The following FHIP1A variants were observed in gnomAD, a reference collection of about 807,000 sequenced individuals.
FHIP1A encodes the protein FHF complex subunit HOOK-interacting protein 1A.
In FHIP1A, 61 loss-of-function variants were observed where a neutral mutation model predicts 88.6. That is an observed-to-expected ratio of 0.69 (90% CI 0.56 to 0.85). The LOEUF (loss-of-function observed/expected upper bound fraction) is 0.85. FHIP1A is among the 40% of genes least tolerant of loss of function. The pLI is 0.00. For missense variants in FHIP1A, 1,154 were observed against 1,273.5 expected (o/e 0.91, Z 1.43); for synonymous variants, 478 against 496.0 (o/e 0.96, Z 0.48).
chr4:151,545,369 CTTTTTTTTTTTTTTTT>C (rs569126288), intron 3 of FHIP1A, among the ~76,000 whole-genome samples: 1 of 81,652 alleles, frequency 1.2e-5, no homozygotes, highest in Non-Finnish European at 2.3e-5. Flanking sequence ...CCTTATCCTT[CTTTTTTTTTTTTTTTT>C]TTTTTTTTTT....
intron 2 of FHIP1A, among the ~76,000 whole-genome samples, chr4:151,466,164 A>G (rs1174806483): frequency 5.3e-5 from 8 of 152,328 alleles, no homozygotes; most frequent in Admixed American, 2.0e-4. Flanking sequence ...TGCAAAAATC[A>G]CAAGCATTTG....
At chr4:151,465,139 G>C (rs1337330262) in intron 2 of FHIP1A, among the ~76,000 whole-genome samples, 1 of 152,166 alleles carries the variant, frequency 6.6e-6, no homozygotes, top group Non-Finnish European at 1.5e-5. Flanking sequence ...TGGCTGCAAT[G>C]AGCTGTGATC....
chr4:151,585,288 T>C (rs1339765562), intron 5 of FHIP1A, among the ~76,000 whole-genome samples: 1 of 152,060 alleles, frequency 6.6e-6, no homozygotes, highest in Non-Finnish European at 1.5e-5. Context: ...AGGGATTCTC[T>C]TTTGCCTCAG....
chr4:151,410,333 G>C (rs1236394964), intron 1 of FHIP1A, among the ~76,000 whole-genome samples: 2 of 152,074 alleles, frequency 1.3e-5, no homozygotes, highest in Non-Finnish European at 2.9e-5. Flanking sequence ...GAGAAGGAGA[G>C]ACAGCTTTCA....
At chr4:151,573,611 A>G (rs1190967518) in intron 4 of FHIP1A, among the ~76,000 whole-genome samples, 1 of 152,052 alleles carries the variant, frequency 6.6e-6, no homozygotes, top group East Asian at 1.9e-4. Flanking sequence ...GACTGTCTAG[A>G]TAGCTGAGAA....
chr4:151,533,439 CAAAA>C (rs35650311), intron 3 of FHIP1A, among the ~76,000 whole-genome samples: 2 of 146,154 alleles, frequency 1.4e-5, no homozygotes, highest in South Asian at 2.2e-4. Context: ...AACAAACAAA[CAAAA>C]AAAGGATATA....
chr4:151,457,243 G>A (rs549018253), intron 2 of FHIP1A, among the ~76,000 whole-genome samples: 100 of 152,166 alleles, frequency 6.6e-4, no homozygotes, highest in Non-Finnish European at 1.1e-3. Context: ...ACCTGTGTGG[G>A]CTAAGTAAGA....
intron 3 of FHIP1A, among the ~76,000 whole-genome samples, chr4:151,504,562 T>TTTATGTTATG (rs59935750): frequency 0.04 from 5,831 of 145,160 alleles, 271 homozygotes; most frequent in African/African-American, 0.11. Flanking sequence ...GGGAAAAAAT[T>TTTATGTTATG]TTATGTTATG....
chr4:151,470,036 T>A (rs1262438423), intron 2 of FHIP1A, among the ~76,000 whole-genome samples: 1 of 152,224 alleles, frequency 6.6e-6, no homozygotes, highest in Non-Finnish European at 1.5e-5. Context: ...TGCTAAGAGC[T>A]TCTCATAAAT....
At chr4:151,609,433 G>A (rs1735210970) in intron 7 of FHIP1A, among the ~76,000 whole-genome samples, 1 of 152,084 alleles carries the variant, frequency 6.6e-6, no homozygotes, top group Non-Finnish European at 1.5e-5. Flanking sequence ...TCATCCACAT[G>A]TAGAAAAACC....
chr4:151,558,853 A>C (rs1281349214), intron 3 of FHIP1A, among the ~76,000 whole-genome samples: 1 of 152,236 alleles, frequency 6.6e-6, no homozygotes, highest in Non-Finnish European at 1.5e-5. Flanking sequence ...TCCTAGAGCT[A>C]GTCACTTAGA....
Position 151,483,715 on chromosome 4 carries a change from T to A in FHIP1A, c.-123+1067T>A, listed in dbSNP as rs546228537. Among the ~76,000 whole-genome samples the A allele has an allele frequency of 6.3e-4, 96 of 152,120 alleles. 1 individual carries two copies. Among genetic ancestry groups the A allele is most frequent in the Non-Finnish European group, 7.9e-4 (54 of 67,982 alleles). The stretch of plus-strand genomic sequence containing the variant: ...ATGGTAGGATGACTATAGTTAACTA[T>A]CTAGCTGTAATTTTGTATCCTTTAA... On this transcript the variant is annotated intron_variant, in intron 3 of 13. Coordinates refer to ENST00000435205, the MANE Select transcript of FHIP1A (RefSeq NM_001109977.3).
In FHIP1A at chr4:151,656,072, G is replaced by T. The variant is rs1193575143; in HGVS notation, c.2552-160G>T. On this transcript the variant is annotated intron_variant, in intron 11 of 13. Coordinates refer to ENST00000435205, the MANE Select transcript of FHIP1A (RefSeq NM_001109977.3). This position sits in a 1 kb window ranked among gnomAD's most constrained non-coding sequence, Gnocchi z 4.2. ...CCATGGTGGTTTGTTTTCCGTTTTG[G>T]TTTTGAGGCAGGAGAAAACGTGGCC... Among the ~76,000 whole-genome samples, 1 of 151,868 alleles carries T rather than the reference G, an allele frequency of 6.6e-6. No individual in the cohort carries two copies.
chr4:151,481,158 C>T (rs1729882203), intron 2 of FHIP1A, among the ~76,000 whole-genome samples: 1 of 151,940 alleles, frequency 6.6e-6, no homozygotes, highest in Non-Finnish European at 1.5e-5. Flanking sequence ...GAAGAAATTG[C>T]ATCTTGTTTT....
intron 3 of FHIP1A, among the ~76,000 whole-genome samples, chr4:151,511,797 T>G (rs967975678): frequency 2.0e-5 from 3 of 152,230 alleles, no homozygotes; most frequent in African/African-American, 7.2e-5. Context: ...TTGAACTGGG[T>G]GGAGCCCACC....
intron 1 of FHIP1A, among the ~76,000 whole-genome samples, chr4:151,410,328 G>A (rs750078579): frequency 6.6e-6 from 1 of 152,044 alleles, no homozygotes; most frequent in Non-Finnish European, 1.5e-5. Context: ...ATGTTGAGAA[G>A]GAGAGACAGC....
At chr4:151,630,484 G>C (rs1736116094) in intron 8 of FHIP1A, among the ~76,000 whole-genome samples, 1 of 152,106 alleles carries the variant, frequency 6.6e-6, no homozygotes, top group Non-Finnish European at 1.5e-5. Context: ...ACAAAGGGGG[G>C]AAGAGGGAAT....
chr4:151,603,357 C>A (rs1334895645), intron 7 of FHIP1A, among the ~76,000 whole-genome samples: 1 of 151,936 alleles, frequency 6.6e-6, no homozygotes, highest in African/African-American at 2.4e-5. Context: ...TTATTAACAA[C>A]CCCTGGGGCT....
chr4:151,626,918 A>C (rs966772819), intron 7 of FHIP1A, among the ~76,000 whole-genome samples: 2 of 152,178 alleles, frequency 1.3e-5, no homozygotes, highest in African/African-American at 4.8e-5. Context: ...TTAGCTTTCC[A>C]GTGATCACAC....
Sources: allele counts gnomAD v4.1 joint callset (sites outside exome capture counted in the v4.1 genomes callset), GRCh38; gene constraint gnomAD v4.1.1; non-coding constraint Gnocchi (gnomAD v3.1); transcripts MANE v1.5; gene names NCBI Gene and HGNC (gene_info 2026-07-23, HGNC 2026-07-21).